The following SUPT20H variants were observed in gnomAD, a reference collection of about 807,000 sequenced individuals.
SUPT20H encodes transcription factor SPT20 homolog.
In SUPT20H, 82 loss-of-function variants were observed where a neutral mutation model predicts 122.8. The ratio of observed to expected loss-of-function variants is 0.67; its 90% CI spans 0.56 to 0.80. The LOEUF (loss-of-function observed/expected upper bound fraction) is 0.80. SUPT20H is among the 30% of genes least tolerant of loss of function. The pLI, the probability that SUPT20H is intolerant of heterozygous loss-of-function variation, is 0.00. For missense variants in SUPT20H, 831 were observed against 921.6 expected (o/e 0.90, Z 1.27); for synonymous variants, 291 against 313.0 (o/e 0.93, Z 0.74).
At chr13:37,051,166 A>C (rs1245028752) in intron 2 of SUPT20H, among the ~76,000 whole-genome samples, 1 of 152,066 alleles carries the variant, frequency 6.6e-6, no homozygotes, top group Non-Finnish European at 1.5e-5. Context: ...AGAAATCTAT[A>C]CTCCCCAAAA....
intron 4 of SUPT20H, 46 bp downstream of exon 4, chr13:37,047,832 A>G (rs780038906): frequency 1.4e-5 from 22 of 1,526,494 alleles, no homozygotes; most frequent in Non-Finnish European, 1.9e-5. Context: ...GGTAGCTATC[A>G]TCATATTTCA....
chr13:37,009,877 G>A, intron 25 of SUPT20H, 68 bp from the exon 26 acceptor site: 1 of 1,544,142 alleles, frequency 6.5e-7, no homozygotes, highest in South Asian at 1.3e-5. Flanking sequence ...TGCTTTTCCT[G>A]AGTGACGAAA....
chr13:37,052,422 G>T (rs143608865), intron 1 of SUPT20H, among the ~76,000 whole-genome samples: 1,835 of 152,276 alleles, frequency 0.012, 18 homozygotes, highest in Middle Eastern at 0.099. Flanking sequence ...AAGCAATGGG[G>T]AGAGGATTCC....
chr13:37,044,050 A>C (rs1171702811), intron 7 of SUPT20H, 28 bp downstream of exon 7: 12 of 1,472,024 alleles, frequency 8.2e-6, no homozygotes, highest in Non-Finnish European at 1.1e-5. Context: ...ACAAATATAA[A>C]GACATTTTAA....
chr13:37,040,538 A>G, intron 8 of SUPT20H, 38 bp downstream of exon 8: 2 of 1,597,406 alleles, frequency 1.3e-6, no homozygotes, highest in African/African-American at 1.3e-5. Flanking sequence ...ACTCCCAACT[A>G]AAATCTAAAA....
At chr13:37,040,807 T>A (rs2065329345) in intron 7 of SUPT20H, 115 bp from the exon 8 acceptor site, 2 of 729,852 alleles carry the variant, frequency 2.7e-6, no homozygotes, top group Admixed American at 4.6e-5. Context: ...GCCACTCATG[T>A]ATGTACTCTT....
chr13:37,041,053 A>G lies in SUPT20H; in HGVS notation c.397-361T>C, dbSNP rs145859530. Among the ~76,000 whole-genome samples, 1,061 of 152,282 alleles carry G rather than the reference A, an allele frequency of 7.0e-3. 44 individuals carry two copies. Among genetic ancestry groups the G allele is most frequent in the Admixed American group, 0.063 (970 of 15,296 alleles). ...CACAGGCTTACTGTTACATTTCACT[A>G]ACTTTGTCATTACTATAAAGTTTAT... is the stretch of plus-strand genomic sequence containing the variant. On this transcript the variant is annotated intron_variant, in intron 7 of 25. Coordinates refer to ENST00000350612, the MANE Select transcript of SUPT20H (RefSeq NM_001014286.3).
intron 22 of SUPT20H, among the ~76,000 whole-genome samples, chr13:37,018,522 A>T (rs1392368761): frequency 1.3e-5 from 2 of 152,196 alleles, no homozygotes; most frequent in Non-Finnish European, 2.9e-5. Context: ...ATTTCCCATC[A>T]ATCCATAGCT....
chr13:37,044,298 CA>C, intron 6 of SUPT20H, 117 bp from the exon 7 acceptor site: 2 of 670,106 alleles, frequency 3.0e-6, no homozygotes, highest in Non-Finnish European at 4.5e-6. Context: ...TTCAACCAAG[CA>C]AGGATCAAAA....
At chr13:37,023,752 T>G (rs1179375738) in intron 19 of SUPT20H, 2 of 251,656 alleles carry the variant, frequency 7.9e-6, no homozygotes, top group Admixed American at 5.4e-5. Flanking sequence ...TATTGCCACA[T>G]GTAACTACCA....
rs749672581 is a variant in SUPT20H, at chr13:37,031,861, G to T, written c.742C>A (p.Arg248=). Residue 248 remains arginine, a synonymous_variant, in exon 11 of 26, where the codon CGG becomes AGG. Transcript: ENST00000350612. ...GGACAATGAGATAGATCTTGCTGCCGATTCAGAGAGGATCTGGAATACCTC... is the reference window on the plus strand; with the variant it reads ...GGACAATGAGATAGATCTTGCTGCCTATTCAGAGAGGATCTGGAATACCTC... ...FKRYSRSSLN[R]QQDLSHCPPP... 6.2e-7 allele frequency: 1 copy of T among 1,601,840 alleles called. No individual in the cohort carries two copies. Among genetic ancestry groups the T allele is most frequent in the Admixed American group, 1.8e-5 (1 of 56,838 alleles).
chr13:37,055,904 C>T (rs1485152675), intron 1 of SUPT20H, among the ~76,000 whole-genome samples: 2 of 152,190 alleles, frequency 1.3e-5, no homozygotes, highest in Admixed American at 6.5e-5. Flanking sequence ...CTACAATGAA[C>T]TCAAACAAAC....
rs1369497053 is a variant in SUPT20H at position 37,009,723 on chromosome 13, GC to G, written c.2288del (p.Ser763ThrfsTer7). 1.9e-6 allele frequency: 3 copies of G among 1,613,840 alleles called. No individual in the cohort carries two copies. Among genetic ancestry groups the G allele is most frequent in the Non-Finnish European group, 2.5e-6 (3 of 1,179,972 alleles). On this transcript the variant is annotated frameshift_variant, in exon 26 of 26. Coordinates refer to ENST00000350612, the MANE Select transcript of SUPT20H (RefSeq NM_001014286.3). LOFTEE classifies it high-confidence loss of function. ...AQLHHHRHTG[S>X]QSKSKMKRGT... ...CTCTCTTCATTTTACTTTTTGACTG[GC>G]TGCCTGTATGCCGATGATGATGTAG...
intron 7 of SUPT20H, 50 bp from the exon 8 acceptor site, chr13:37,040,742 A>G: frequency 2.1e-6 from 3 of 1,424,482 alleles, no homozygotes; most frequent in Non-Finnish European, 3.0e-6. Context: ...AAAAGCCTAA[A>G]TAAGTGGGTT....
At chr13:37,047,450 C>CA in intron 5 of SUPT20H, 85 bp downstream of exon 5, 2 of 1,332,716 alleles carry the variant, frequency 1.5e-6, no homozygotes, top group Non-Finnish European at 2.0e-6. Context: ...CTCACACACA[C>CA]AAAAATAATA....
At chr13:37,058,140 C>T (rs964176437) in intron 1 of SUPT20H, among the ~76,000 whole-genome samples, 1 of 151,986 alleles carries the variant, frequency 6.6e-6, no homozygotes, top group African/African-American at 2.4e-5. Context: ...TTGGCACACA[C>T]CTGTAATCCC....
intron 1 of SUPT20H, among the ~76,000 whole-genome samples, chr13:37,057,939 A>C (rs1429351111): frequency 6.9e-6 from 1 of 144,074 alleles, no homozygotes; most frequent in Admixed American, 7.3e-5. Context: ...GCGCCACTGC[A>C]CTGCAGCCTG....
chr13:37,029,892 G>C (rs1346760637), intron 12 of SUPT20H, 56 bp from the exon 13 acceptor site: 1 of 1,354,152 alleles, frequency 7.4e-7, no homozygotes, highest in African/African-American at 1.5e-5. Context: ...CAGATAAAAT[G>C]GAATCAGTAT....
chr13:37,015,612 G>A (rs2060330091), intron 23 of SUPT20H, among the ~76,000 whole-genome samples: 1 of 152,104 alleles, frequency 6.6e-6, no homozygotes, highest in Non-Finnish European at 1.5e-5. Flanking sequence ...CAGCCACTAT[G>A]GAAAACAGTA....
Sources: gnomAD v4.1 joint callset for allele counts (sites outside exome capture counted in the v4.1 genomes callset) on GRCh38, gnomAD v4.1.1 for gene constraint, MANE v1.5 for transcripts, NCBI Gene and HGNC (gene_info 2026-07-23, HGNC 2026-07-21) for gene names.